SLC22A2: variants seen among roughly 807,000 people sequenced by gnomAD.
SLC22A2 encodes solute carrier family 22 member 2.
SLC22A2 carries 46 observed loss-of-function variants against 60.5 expected under a neutral mutation model. The observed-to-expected ratio is 0.76, with a 90% CI of 0.60 to 0.97. The LOEUF (loss-of-function observed/expected upper bound fraction) is 0.97, where lower values mean the gene tolerates loss of function less well. Among genes scored for constraint, SLC22A2 ranks in the 50% least tolerant of loss-of-function variants. The pLI, the probability that SLC22A2 is intolerant of heterozygous loss-of-function variation, is 0.00. For synonymous variants in SLC22A2, 303 were observed against 267.0 expected (o/e 1.13, Z -1.31); for missense variants, 701 against 706.6 (o/e 0.99, Z 0.09).
In SLC22A2 at chr6:160,224,696, A is replaced by T; in HGVS notation, c.1601+9T>A. ...TAGAACAATTCATTTAGAACTTTCAACTGCCTACCTTTGCATATTTTCGGC... is the reference window on the plus strand; with the variant it reads ...TAGAACAATTCATTTAGAACTTTCATCTGCCTACCTTTGCATATTTTCGGC... On this transcript the variant is annotated intron_variant, in intron 10 of 10. Coordinates refer to ENST00000366953, the MANE Select transcript of SLC22A2 (RefSeq NM_003058.4). 1 of 1,582,230 alleles carries T rather than the reference A, an allele frequency of 6.3e-7. No homozygotes were observed. Among genetic ancestry groups the T allele is most frequent in the Non-Finnish European group, 8.6e-7 (1 of 1,159,162 alleles).
chr6:160,225,174 C>G (rs1782703547), intron 9 of SLC22A2, among the ~76,000 whole-genome samples: 2 of 152,224 alleles, frequency 1.3e-5, no homozygotes, highest in South Asian at 4.1e-4. Flanking sequence ...GAAAATAAGT[C>G]AGAAACTTGG....
At chr6:160,233,113 C>T (rs1246239500) in intron 9 of SLC22A2, among the ~76,000 whole-genome samples, 2 of 151,968 alleles carry the variant, frequency 1.3e-5, no homozygotes, top group Non-Finnish European at 2.9e-5. Context: ...CTCTACACAT[C>T]AAGCTCGGGG....
chr6:160,249,159 C>T (rs1406843291), intron 4 of SLC22A2, 57 bp downstream of exon 4: 2 of 1,275,950 alleles, frequency 1.6e-6, no homozygotes, highest in Non-Finnish European at 2.2e-6. Flanking sequence ...GGAAGGCAGA[C>T]TTCTTAGCAG....
Position 160,258,574 on chromosome 6 carries a change from G to A in SLC22A2, c.184C>T (p.Arg62Cys), listed in dbSNP as rs1314319598. The change falls in exon 1 of 11, where the codon CGC becomes TGC. Residue 62 changes from arginine to cysteine, a missense_variant. Transcript: ENST00000366953. ...RSPGVAELSL[R>C]CGWSPAEELN... ...TCCTCTGCAGGACTCCAGCCGCAGC[G>A]CAGACTCAGCTCGGCCACTCCGGGG... 9.9e-6 allele frequency: 16 copies of A among 1,613,670 alleles called. No individual in the cohort carries two copies. The highest frequency in any genetic ancestry group is 3.3e-5 in the South Asian group (3 of 91,054).
intron 10 of SLC22A2, among the ~76,000 whole-genome samples, chr6:160,222,433 C>T (rs1313037603): frequency 6.6e-6 from 1 of 152,210 alleles, no homozygotes; most frequent in Non-Finnish European, 1.5e-5. Context: ...TACTGCCTGC[C>T]TGGCACTGGC....
At chr6:160,243,825 A>C in intron 6 of SLC22A2, 39 bp from the exon 7 acceptor site, 1 of 1,435,748 alleles carries the variant, frequency 7.0e-7, no homozygotes. Context: ...TCAAGCACCA[A>C]ACACAGGGCA....
intron 9 of SLC22A2, among the ~76,000 whole-genome samples, chr6:160,228,359 A>G (rs958868764): frequency 4.6e-5 from 7 of 152,160 alleles, no homozygotes; most frequent in African/African-American, 1.2e-4. Context: ...GGCCCAATTT[A>G]GGGGAGTTAG....
intron 3 of SLC22A2, 109 bp downstream of exon 3, chr6:160,250,439 A>C: frequency 1.0e-6 from 1 of 982,498 alleles, no homozygotes; most frequent in Non-Finnish European, 1.6e-6. Context: ...AAAATCTCTC[A>C]ATATTGTCTT....
Position 160,249,229 on chromosome 6 carries a change from A to G in SLC22A2, c.829T>C (p.Leu277=), listed in dbSNP as rs148524234. 5.5e-5 allele frequency: 88 copies of G among 1,593,700 alleles called. No homozygotes were observed. Among genetic ancestry groups the G allele is most frequent in the Non-Finnish European group, 7.4e-5 (87 of 1,169,718 alleles). The change falls in exon 4 of 11, where the codon TTG becomes CTG. Residue 277 remains leucine, a synonymous_variant. Coordinates refer to ENST00000366953, the MANE Select transcript of SLC22A2 (RefSeq NM_003058.4). ...AAATGGACTTACCAGTAATAGAGCAAGAAGAAGAAGTTGGGCAGAGAAACT... is the reference window on the plus strand; with the variant it reads ...AAATGGACTTACCAGTAATAGAGCAGGAAGAAGAAGTTGGGCAGAGAAACT... ...FTVSLPNFFF[L]LYYWCIPESP...
chr6:160,234,157 T>C (rs1265705669), intron 9 of SLC22A2, among the ~76,000 whole-genome samples: 1 of 152,128 alleles, frequency 6.6e-6, no homozygotes, highest in African/African-American at 2.4e-5. Context: ...CTACCCACTT[T>C]GACTGTAATT....
intron 9 of SLC22A2, among the ~76,000 whole-genome samples, chr6:160,229,196 T>C (rs1055457652): frequency 6.6e-6 from 1 of 151,930 alleles, no homozygotes; most frequent in Non-Finnish European, 1.5e-5. Flanking sequence ...ATTTTAAATC[T>C]GGTAAGTGGC....
intron 10 of SLC22A2, among the ~76,000 whole-genome samples, chr6:160,223,791 G>A (rs1210174962): frequency 1.2e-4 from 18 of 152,046 alleles, no homozygotes; most frequent in South Asian, 2.1e-4. Context: ...GCAGTGGCAC[G>A]ATCTCAGCTC....
intron 6 of SLC22A2, 21 bp downstream of exon 6, chr6:160,245,418 A>G (rs1783074972): frequency 7.4e-7 from 1 of 1,359,586 alleles, no homozygotes; most frequent in African/African-American, 1.4e-5. Flanking sequence ...GAGGCATTTC[A>G]AAGTGAAAAA....
At chr6:160,256,569 A>C (rs1300183589) in intron 2 of SLC22A2, 45 bp downstream of exon 2, 1 of 1,401,268 alleles carries the variant, frequency 7.1e-7, no homozygotes, top group African/African-American at 1.4e-5. Flanking sequence ...GTGTTCTCCA[A>C]ACCTTTGGGA....
chr6:160,237,712 G>A (rs1056342108), intron 9 of SLC22A2, among the ~76,000 whole-genome samples: 1 of 152,156 alleles, frequency 6.6e-6, no homozygotes, highest in African/African-American at 2.4e-5. Flanking sequence ...AGAGGGGCTG[G>A]GTAAAATAAG....
chr6:160,244,895 T>C (rs1201442892), intron 6 of SLC22A2: 1 of 152,208 alleles, frequency 6.6e-6, no homozygotes, highest in African/African-American at 2.4e-5. Flanking sequence ...ATCAAGTCAC[T>C]GGGCTGTGAA....
intron 3 of SLC22A2, 77 bp from the exon 4 acceptor site, chr6:160,249,461 C>T (rs1385530786): frequency 3.2e-5 from 35 of 1,082,596 alleles, no homozygotes; most frequent in East Asian, 4.9e-5. Flanking sequence ...GAAACTAGAA[C>T]ACCAACCTCA....
At chr6:160,255,768 G>A (rs974537953) in intron 2 of SLC22A2, among the ~76,000 whole-genome samples, 9 of 152,180 alleles carry the variant, frequency 5.9e-5, no homozygotes, top group Middle Eastern at 3.4e-3. Context: ...TAGCCCTGAC[G>A]GCCAAGTTAT....
At chr6:160,219,690 G>C (rs1224590521) in intron 10 of SLC22A2, among the ~76,000 whole-genome samples, 1 of 151,690 alleles carries the variant, frequency 6.6e-6, no homozygotes, top group Non-Finnish European at 1.5e-5. Context: ...GGTAATACAG[G>C]CATACCTCAG....
Sources: allele counts gnomAD v4.1 joint callset (sites outside exome capture counted in the v4.1 genomes callset), GRCh38; gene constraint gnomAD v4.1.1; transcripts MANE v1.5; gene names NCBI Gene and HGNC (gene_info 2026-07-23, HGNC 2026-07-21).